The following MARCHF1 variants were observed in gnomAD, a reference collection of about 807,000 sequenced individuals.
MARCHF1 encodes the protein E3 ubiquitin-protein ligase MARCHF1.
MARCHF1 carries 40 observed loss-of-function variants against 54.2 expected under a neutral mutation model. The observed-to-expected ratio is 0.74, with a 90% CI of 0.57 to 0.96. The LOEUF is 0.96. Among genes scored for constraint, MARCHF1 ranks in the 40% least tolerant of loss-of-function variants. MARCHF1 has a pLI of 0.00. For missense variants in MARCHF1, 586 were observed against 656.5 expected, an observed-to-expected ratio of 0.89 and a Z score of 1.17; for synonymous variants, 236 against 236.3, an observed-to-expected ratio of 1.00 and a Z score of 0.01.
At chr4:164,340,405 T>TTTTATATATATA (rs1327005165) in intron 1 of MARCHF1, among the ~76,000 whole-genome samples, 2,172 of 95,438 alleles carry the variant, frequency 0.023, 224 homozygotes, top group Middle Eastern at 0.029. Context: ...AGGCCTTGAT[T>TTTTATATATATA]TATATATAGA....
intron 3 of MARCHF1, among the ~76,000 whole-genome samples, chr4:163,966,303 A>T (rs967033010): frequency 2.6e-5 from 4 of 151,588 alleles, no homozygotes; most frequent in South Asian, 2.1e-4. Context: ...CCCCACCATT[A>T]AAAAAAACAG....
chr4:164,327,485 G>C (rs1229506548), intron 1 of MARCHF1, among the ~76,000 whole-genome samples: 9 of 152,154 alleles, frequency 5.9e-5, no homozygotes, highest in Non-Finnish European at 1.3e-4. Context: ...GGTGGTTGTT[G>C]TCAGGTCAGT....
chr4:163,957,288 T>C (rs1239290844), intron 3 of MARCHF1, among the ~76,000 whole-genome samples: 1 of 152,074 alleles, frequency 6.6e-6, no homozygotes, highest in Non-Finnish European at 1.5e-5. Flanking sequence ...GTGTAGTAAC[T>C]ATAATGAAAA....
In MARCHF1 at chr4:163,830,738, C is replaced by A. The variant is rs550745610; in HGVS notation, c.111+23283G>T. Among the ~76,000 whole-genome samples, 343 of 151,902 alleles carry A rather than the reference C, an allele frequency of 2.3e-3. 1 individual carries two copies. Among genetic ancestry groups the A allele is most frequent in the African/African-American group, 7.9e-3 (328 of 41,400 alleles). ...GACCAGCCTGGGCAACAGAGTGACA[C>A]CCCAGTCTCTAAAAAAAGAAACAAC... is the stretch of plus-strand genomic sequence containing the variant. On this transcript the variant is annotated intron_variant, in intron 4 of 9. Coordinates refer to ENST00000514618, the MANE Select transcript of MARCHF1 (RefSeq NM_001394959.1).
intron 4 of MARCHF1, among the ~76,000 whole-genome samples, chr4:163,722,736 A>G (rs984881054): frequency 1.8e-4 from 28 of 152,252 alleles, no homozygotes; most frequent in African/African-American, 6.3e-4. Flanking sequence ...TATATATTTA[A>G]GATAGTTAGC....
At chr4:163,600,986 G>A (rs76091657) in intron 7 of MARCHF1, among the ~76,000 whole-genome samples, 96 of 152,320 alleles carry the variant, frequency 6.3e-4, no homozygotes, top group African/African-American at 2.3e-3. Context: ...GAAGTGGGAA[G>A]GAAGATACTG....
intron 3 of MARCHF1, among the ~76,000 whole-genome samples, chr4:163,886,623 T>C (rs1750545263): frequency 1.3e-5 from 2 of 151,924 alleles, no homozygotes; most frequent in African/African-American, 4.8e-5. Flanking sequence ...AAAATGCAAA[T>C]GTAATTGAAG....
At chr4:164,265,276 G>A (rs1359502743) in intron 1 of MARCHF1, among the ~76,000 whole-genome samples, 1 of 152,074 alleles carries the variant, frequency 6.6e-6, no homozygotes, top group South Asian at 2.1e-4. Context: ...TAAAACTAGT[G>A]ACATGGAGGA....
chr4:164,274,659 CTTTTTTTTTTTTTTT>C (rs70952617), intron 1 of MARCHF1, among the ~76,000 whole-genome samples: 811 of 44,668 alleles, frequency 0.018, 73 homozygotes, highest in African/African-American at 0.056. Flanking sequence ...TCAGGGTACA[CTTTTTTTTTTTTTTT>C]TTTTTTTTTT....
At chr4:163,648,293 T>C (rs1462789869) in intron 5 of MARCHF1, among the ~76,000 whole-genome samples, 3 of 152,086 alleles carry the variant, frequency 2.0e-5, no homozygotes, top group African/African-American at 7.2e-5. Flanking sequence ...TACCTTCATA[T>C]AGTTCCTAGT....
intron 1 of MARCHF1, among the ~76,000 whole-genome samples, chr4:164,303,284 TTTATTCCAG>T (rs1247774997): frequency 6.6e-6 from 1 of 152,256 alleles, no homozygotes; most frequent in Non-Finnish European, 1.5e-5. Context: ...AACTTTATGA[TTTATTCCAG>T]TGCAATAAAG....
intron 1 of MARCHF1, among the ~76,000 whole-genome samples, chr4:164,196,411 T>C (rs1731260116): frequency 6.7e-6 from 1 of 149,280 alleles, no homozygotes; most frequent in Admixed American, 6.7e-5. Context: ...ATAAATAAAA[T>C]CAAGTATAAA....
chr4:164,143,853 C>G (rs1356298411), intron 1 of MARCHF1, among the ~76,000 whole-genome samples: 1 of 152,142 alleles, frequency 6.6e-6, no homozygotes, highest in African/African-American at 2.4e-5. Context: ...GGACTAAATG[C>G]TCCAATTAAA....
At chr4:163,645,483 C>A (rs1345002609) in intron 5 of MARCHF1, among the ~76,000 whole-genome samples, 1 of 152,084 alleles carries the variant, frequency 6.6e-6, no homozygotes, top group Non-Finnish European at 1.5e-5. Context: ...AAACATGACA[C>A]CACCAAAAGA....
intron 4 of MARCHF1, among the ~76,000 whole-genome samples, chr4:163,707,199 G>A (rs554622858): frequency 1.3e-5 from 2 of 152,072 alleles, no homozygotes; most frequent in Non-Finnish European, 2.9e-5. Flanking sequence ...GCTAAGACAC[G>A]AACCAGAAAC....
At chr4:163,718,173 A>C (rs1204885084) in intron 4 of MARCHF1, among the ~76,000 whole-genome samples, 1 of 152,228 alleles carries the variant, frequency 6.6e-6, no homozygotes, top group Non-Finnish European at 1.5e-5. Flanking sequence ...TAAAGACTTA[A>C]ATGTTAGACC....
intron 5 of MARCHF1, among the ~76,000 whole-genome samples, chr4:163,646,471 C>T (rs12643564): frequency 0.14 from 20,888 of 151,902 alleles, 2,400 homozygotes; most frequent in African/African-American, 0.29. Context: ...AATATATAGT[C>T]AAACTCAGAT....
intron 4 of MARCHF1, among the ~76,000 whole-genome samples, chr4:163,820,368 T>C (rs1039214394): frequency 4.6e-5 from 7 of 152,076 alleles, no homozygotes; most frequent in African/African-American, 1.7e-4. Context: ...ATTGTAAAGT[T>C]CTAGTCTACC....
At chr4:163,785,363 G>T (rs554414083) in intron 4 of MARCHF1, among the ~76,000 whole-genome samples, 3 of 152,072 alleles carry the variant, frequency 2.0e-5, no homozygotes, top group African/African-American at 7.2e-5. Context: ...TAGCTTGCTC[G>T]ATTGAAAGTG....
Sources: allele counts gnomAD v4.1 joint callset (sites outside exome capture counted in the v4.1 genomes callset), GRCh38; gene constraint gnomAD v4.1.1; transcripts MANE v1.5; gene names NCBI Gene and HGNC (gene_info 2026-07-23, HGNC 2026-07-21).